Variants in HIP1R observed in about 807,000 individuals in gnomAD.
HIP1R encodes huntingtin interacting protein 1 related, also known as huntingtin-interacting protein 1-related protein.
HIP1R carries 135 observed loss-of-function variants against 144.2 expected under a neutral mutation model. That is an observed-to-expected ratio of 0.94 (90% CI 0.81 to 1.08). The LOEUF is 1.08. Among genes scored for constraint, HIP1R ranks in the 50% least tolerant of loss-of-function variants. The pLI, the probability that HIP1R is intolerant of heterozygous loss-of-function variation, is 0.00. For synonymous variants in HIP1R, 698 were observed against 612.8 expected (o/e 1.14, Z -2.05); for missense variants, 1,462 against 1,432.8 (o/e 1.02, Z -0.33).
At position 122,861,354 on chromosome 12, in the gene HIP1R, G is replaced by A. The variant is rs151329331; in HGVS notation, c.2999G>A (p.Arg1000Gln). 11 of 1,613,710 alleles carry A rather than the reference G, an allele frequency of 6.8e-6. No homozygotes were observed. The highest frequency in any genetic ancestry group is 1.7e-5 in the Admixed American group (1 of 60,016). ...AAGACGCTGGAGGCTGAACGCATGCGGCTGGGGGAGTTGCGGAAGCAACAC... is the reference window on the plus strand; with the variant it reads ...AAGACGCTGGAGGCTGAACGCATGCAGCTGGGGGAGTTGCGGAAGCAACAC... Reference protein sequence around the residue: ...LEKTLEAERMRLGELRKQHYV... With the variant: ...LEKTLEAERMQLGELRKQHYV... The change falls in exon 31 of 32, where the codon CGG (arginine) becomes CAG (glutamine). Residue 1000 changes from arginine to glutamine, a missense_variant. By Grantham distance (43) the Arg-to-Gln change is conservative. Coordinates refer to ENST00000253083, the MANE Select transcript of HIP1R (RefSeq NM_003959.3).
Position 122,855,057 on chromosome 12 carries a change from A to G in HIP1R, c.781A>G (p.Arg261Gly), listed in dbSNP as rs1406690859. 1.2e-6 allele frequency: 2 copies of G among 1,613,764 alleles called. No homozygotes were observed. The highest frequency in any genetic ancestry group is 1.7e-6 in the Non-Finnish European group (2 of 1,179,992). Residue 261 changes from arginine to glycine, a missense_variant, in exon 10 of 32, where the codon AGG becomes GGG. This residue lies in a region of HIP1R where 350 missense variants were observed against 421.1 expected (regional missense o/e 0.83). Transcript: ENST00000253083. ...AACTTCCCACCATCTCTGCAGCCTC[A>G]GGAACTTCTTCCGCAGAGCCTCCGA... ...DRFHEQFHSL[R>G]NFFRRASDML...
chr12:122,845,980 G>A (rs1384653302), intron 1 of HIP1R, among the ~76,000 whole-genome samples: 6 of 152,194 alleles, frequency 3.9e-5, no homozygotes, highest in South Asian at 2.1e-4. Context: ...AGAAACCCCC[G>A]CATCTCTGTG....
intron 6 of HIP1R, 81 bp from the exon 7 acceptor site, chr12:122,851,155 C>T: frequency 7.8e-7 from 1 of 1,283,876 alleles, no homozygotes; most frequent in Non-Finnish European, 1.1e-6. Context: ...GTGCCCCCGT[C>T]CCCACTGGAG....
Position 122,849,405 on chromosome 12 carries a change from C to G in HIP1R, c.358-470C>G, listed in dbSNP as rs367680874. Among the ~76,000 whole-genome samples the G allele has an allele frequency of 2.0e-4, 30 of 152,362 alleles. 1 individual carries two copies. In the South Asian group the frequency reaches 4.3e-3, roughly 22 times the overall value. On this transcript the variant is annotated intron_variant, in intron 4 of 31. Transcript: ENST00000253083. ...GCAGGGCAGGCCCTGGACCGGGTAC[C>G]CACAGGGAGGCCTGACCAGGGCGTT...
At position 122,856,130 on chromosome 12, in the gene HIP1R, G is replaced by A. The variant is rs753095694; in HGVS notation, c.1279G>A (p.Glu427Lys). Residue 427 changes from glutamate to lysine, a missense_variant, in exon 14 of 32, where the codon GAG becomes AAG. Coordinates refer to ENST00000253083, the MANE Select transcript of HIP1R (RefSeq NM_003959.3). ...AQLRAAQLEG[E>K]RSQGLREEAE... ...GCTGAGGGCTGCCCAGCTGGAGGGC[G>A]AGCGGAGCCAGGGCCTGCGTGAGGA... is the stretch of plus-strand genomic sequence containing the variant. 7 of 1,590,938 alleles carry A rather than the reference G, an allele frequency of 4.4e-6. No individual in the cohort carries two copies. The highest frequency in any genetic ancestry group is 1.3e-5 in the African/African-American group (1 of 74,584).
intron 1 of HIP1R, among the ~76,000 whole-genome samples, chr12:122,837,883 G>A (rs1237074580): frequency 6.6e-6 from 1 of 152,192 alleles, no homozygotes; most frequent in African/African-American, 2.4e-5. Flanking sequence ...GCCAGGTCCC[G>A]TGGTGGAAAA....
Position 122,836,537 on chromosome 12 carries a change from A to C in HIP1R, c.93+894A>C, listed in dbSNP as rs1025093452. Among the ~76,000 whole-genome samples the C allele has an allele frequency of 6.6e-6, 1 of 152,108 alleles. No homozygotes were observed. The highest frequency in any genetic ancestry group is 2.4e-5 in the African/African-American group (1 of 41,414). ...TGCTTTTTATTTTACAAACTCTTGAAGTGCTCTCAGGCTTGGGGGATGGGC... is the reference window on the plus strand; with the variant it reads ...TGCTTTTTATTTTACAAACTCTTGACGTGCTCTCAGGCTTGGGGGATGGGC... On this transcript the variant is annotated intron_variant, in intron 1 of 31. Transcript: ENST00000253083. This position sits in a 1 kb window ranked among gnomAD's most constrained non-coding sequence, Gnocchi z 4.1.
chr12:122,842,193 G>A (rs1007841420), intron 1 of HIP1R, among the ~76,000 whole-genome samples: 2 of 152,152 alleles, frequency 1.3e-5, no homozygotes, highest in East Asian at 1.9e-4. Flanking sequence ...ATAACCTACC[G>A]CTCTGCCAGC....
rs989202723 is a variant in HIP1R at position 122,861,973 on chromosome 12, A to G, written c.*220A>G. The G allele has an allele frequency of 7.5e-6, 4 of 535,486 alleles. No individual in the cohort carries two copies. Among genetic ancestry groups the G allele is most frequent in the Non-Finnish European group, 9.9e-6 (3 of 303,908 alleles). The allele number at this position is 535,486 out of a possible 1,614,324, so 33.2% of individuals were successfully genotyped here. On this transcript the variant is annotated 3_prime_UTR_variant, in exon 32 of 32. Coordinates refer to ENST00000253083, the MANE Select transcript of HIP1R (RefSeq NM_003959.3). Reference sequence around the variant, plus strand: ...GAGTCTCTTATTTATCTGCAGAAGGAACTTTGGGGTGCAGCCAGGACCCGG... The same window carrying G: ...GAGTCTCTTATTTATCTGCAGAAGGGACTTTGGGGTGCAGCCAGGACCCGG...
chr12:122,852,984 C>G (rs2033444927), intron 7 of HIP1R, among the ~76,000 whole-genome samples: 1 of 152,182 alleles, frequency 6.6e-6, no homozygotes, highest in Non-Finnish European at 1.5e-5. Context: ...CAGGCTCTCT[C>G]CTGTCACTGC....
chr12:122,835,075 AGG>A, upstream of HIP1R: 1 of 1,127,496 alleles, frequency 8.9e-7, no homozygotes, highest in Non-Finnish European at 1.2e-6. Context: ...AGGAGGAGGG[AGG>A]GGTTCCCCCT....
chr12:122,859,711 G>A (rs2033706048), intron 23 of HIP1R, 61 bp from the exon 24 acceptor site: 2 of 1,580,134 alleles, frequency 1.3e-6, no homozygotes, highest in African/African-American at 2.7e-5. Flanking sequence ...GGCAGCCCTG[G>A]CTTTCCCAGG....
In HIP1R at chr12:122,848,607, A is replaced by T. The variant is rs755345037; in HGVS notation, c.299A>T (p.Asn100Ile). 1 of 1,610,418 alleles carries T rather than the reference A, an allele frequency of 6.2e-7. No homozygotes were observed. The highest frequency in any genetic ancestry group is 8.5e-7 in the Non-Finnish European group (1 of 1,178,126). The change falls in exon 3 of 32, where the codon AAT becomes ATT. Residue 100 changes from asparagine to isoleucine, a missense_variant and splice_region_variant. By Grantham distance (149) the Asn-to-Ile change is moderately radical. This residue lies in a region of HIP1R where 350 missense variants were observed against 421.1 expected (regional missense o/e 0.83). Coordinates refer to ENST00000253083, the MANE Select transcript of HIP1R (RefSeq NM_003959.3). ...AAGGTCCTTCGAGACGGGCACCCCA[A>T]TGTGAGTAGCAGCTGCTGCCTCTGC... is the stretch of plus-strand genomic sequence containing the variant. Reference protein sequence around the residue: ...LHKVLRDGHPNVLHDCQRYRS... With the variant: ...LHKVLRDGHPIVLHDCQRYRS...
chr12:122,839,738 C>T (rs577617539), intron 1 of HIP1R, among the ~76,000 whole-genome samples: 1 of 152,288 alleles, frequency 6.6e-6, no homozygotes, highest in African/African-American at 2.4e-5. Flanking sequence ...CCAGTATATC[C>T]AAAAGCTAGC....
At chr12:122,860,117 C>T (rs2135678409) in intron 25 of HIP1R, 31 bp from the exon 26 acceptor site, 3 of 1,586,250 alleles carry the variant, frequency 1.9e-6, no homozygotes, top group African/African-American at 1.3e-5. Context: ...ACCTGGAGGG[C>T]CACCAGTCAT....
intron 1 of HIP1R, among the ~76,000 whole-genome samples, chr12:122,845,530 G>A (rs909202766): frequency 3.9e-5 from 6 of 152,210 alleles, no homozygotes; most frequent in Non-Finnish European, 5.9e-5. Context: ...GGCATGCCCC[G>A]TCACACTGCA....
intron 1 of HIP1R, among the ~76,000 whole-genome samples, chr12:122,841,008 C>T (rs2033042459): frequency 6.6e-6 from 1 of 152,160 alleles, no homozygotes; most frequent in African/African-American, 2.4e-5. Flanking sequence ...CCACTGGATC[C>T]CAGCAGCTTA....
chr12:122,852,230 G>A (rs980068606), intron 7 of HIP1R, among the ~76,000 whole-genome samples: 2 of 152,358 alleles, frequency 1.3e-5, no homozygotes, highest in Admixed American at 6.5e-5. Context: ...GCAGCTGGGC[G>A]AGCCTGATGG....
intron 17 of HIP1R, 45 bp from the exon 18 acceptor site, chr12:122,856,976 C>A: frequency 6.5e-7 from 1 of 1,530,278 alleles, no homozygotes; most frequent in Non-Finnish European, 8.8e-7. Flanking sequence ...GTGGGTGGGG[C>A]CTGGGAGCTC....
Sources: gnomAD v4.1 joint callset for allele counts (sites outside exome capture counted in the v4.1 genomes callset) on GRCh38, gnomAD v4.1.1 for gene constraint, gnomAD v4.1.1 regional missense constraint, Gnocchi (gnomAD v3.1) non-coding constraint, MANE v1.5 for transcripts, NCBI Gene and HGNC (gene_info 2026-07-23, HGNC 2026-07-21) for gene names.